CALY: variants seen among roughly 807,000 people sequenced by gnomAD.
CALY encodes the protein neuron-specific vesicular protein calcyon.
Under a neutral mutation model 20.2 loss-of-function variants are expected in CALY, and 15 were observed. The observed-to-expected ratio is 0.74, with a 90% CI of 0.50 to 1.14. The LOEUF (loss-of-function observed/expected upper bound fraction) is 1.14, where lower values mean the gene tolerates loss of function less well. CALY is among the 50% of genes most tolerant of loss of function. The probability of loss-of-function intolerance (pLI) is 0.00; values close to 1 mark genes in which losing one functional copy is unlikely to be tolerated. For synonymous variants in CALY, 129 were observed against 131.8 expected (o/e 0.98, Z 0.15); for missense variants, 270 against 304.4 (o/e 0.89, Z 0.84).
chr10:133,327,316 C>T (rs1589851548), intron 3 of CALY: 6 of 494,254 alleles, frequency 1.2e-5, no homozygotes, highest in East Asian at 6.9e-5. Flanking sequence ...GGGATGGGGC[C>T]GCAGCCTCAG....
At chr10:133,327,756 C>A (rs2133377251) in intron 3 of CALY, 149 bp downstream of exon 3, 1 of 719,728 alleles carries the variant, frequency 1.4e-6, no homozygotes, top group Non-Finnish European at 2.6e-6. Context: ...GTGGGGCCAG[C>A]TCTGGGCGGG....
At chr10:133,329,116 C>G in intron 1 of CALY, 107 bp from the exon 2 acceptor site, 1 of 956,230 alleles carries the variant, frequency 1.0e-6, no homozygotes, top group Non-Finnish European at 1.5e-6. Flanking sequence ...GCTCCTCACA[C>G]CAGAGCCAGG....
At chr10:133,331,050 A>G (rs900642130) in intron 1 of CALY, among the ~76,000 whole-genome samples, 1 of 152,242 alleles carries the variant, frequency 6.6e-6, no homozygotes. Flanking sequence ...AGAATAATGA[A>G]AAAGCGTTAT....
chr10:133,329,506 C>T (rs1451562567), intron 1 of CALY, among the ~76,000 whole-genome samples: 4 of 151,932 alleles, frequency 2.6e-5, no homozygotes, highest in Non-Finnish European at 5.9e-5. Context: ...ACCATCTCAG[C>T]CTCCCGAGTA....
intron 1 of CALY, 70 bp downstream of exon 1, chr10:133,336,764 C>T (rs1848454308): frequency 1.3e-5 from 2 of 153,234 alleles, no homozygotes; most frequent in Non-Finnish European, 1.5e-5. Context: ...CACCCGCACA[C>T]GCGCCTCGCA....
Position 133,324,198 on chromosome 10 carries a change from C to A in CALY, c.*1397G>T. 1 of 366,598 alleles carries A rather than the reference C, an allele frequency of 2.7e-6. No individual in the cohort carries two copies. Among genetic ancestry groups the A allele is most frequent in the Non-Finnish European group, 5.6e-6 (1 of 179,914 alleles). 22.7% of individuals were successfully genotyped at this position (366,598 alleles called of 1,614,324 possible). ...GCAGGCCATCAGGGCCAATTCAGTT[C>A]TGCGTGTGCTTGTTCATCTGGCCAA... On this transcript the variant is annotated 3_prime_UTR_variant, in exon 6 of 6. Transcript: ENST00000252939.
At chr10:133,330,607 G>C (rs1408508048) in intron 1 of CALY, among the ~76,000 whole-genome samples, 1 of 133,066 alleles carries the variant, frequency 7.5e-6, no homozygotes, top group Non-Finnish European at 1.6e-5. Context: ...GCAGTGAGCC[G>C]AGATCGCGCC....
chr10:133,326,877 C>A lies in CALY; in HGVS notation c.360+1G>T. 1 of 1,599,976 alleles carries A rather than the reference C, an allele frequency of 6.3e-7. No individual in the cohort carries two copies. Among genetic ancestry groups the A allele is most frequent in the Non-Finnish European group, 8.5e-7 (1 of 1,173,602 alleles). On this transcript the variant is annotated splice_donor_variant, in intron 4 of 5. Coordinates refer to ENST00000252939, the MANE Select transcript of CALY (RefSeq NM_015722.4). LOFTEE classifies it high-confidence loss of function. ...CCCCACCAGAGCCCTGGCCCCCTTACCCGCAGCAGGAAGCCGTCGGGGCAG... is the reference window on the plus strand; with the variant it reads ...CCCCACCAGAGCCCTGGCCCCCTTAACCGCAGCAGGAAGCCGTCGGGGCAG...
rs1848206962 is a variant in CALY at position 133,326,214 on chromosome 10, G to A, written c.361-94C>T. ...CGCTTCTGCGGTTGGGGACACTGCGGACAGTTTGTAATGGAGCCATGGCTT... is the reference window on the plus strand; with the variant it reads ...CGCTTCTGCGGTTGGGGACACTGCGAACAGTTTGTAATGGAGCCATGGCTT... On this transcript the variant is annotated intron_variant, in intron 4 of 5. Coordinates refer to ENST00000252939, the MANE Select transcript of CALY (RefSeq NM_015722.4). 5.8e-6 allele frequency: 9 copies of A among 1,552,864 alleles called. No homozygotes were observed. In the Admixed American group the frequency reaches 1.4e-4, roughly 24 times the overall value.
chr10:133,331,502 T>G (rs1023512369), intron 1 of CALY, among the ~76,000 whole-genome samples: 23 of 152,208 alleles, frequency 1.5e-4, no homozygotes, highest in Non-Finnish European at 1.6e-4. Flanking sequence ...AAATAATTTA[T>G]TGAAGTACTC....
intron 1 of CALY, among the ~76,000 whole-genome samples, chr10:133,332,333 C>T (rs879944175): frequency 6.6e-6 from 1 of 152,144 alleles, no homozygotes; most frequent in Non-Finnish European, 1.5e-5. Flanking sequence ...CTGATCCCTA[C>T]CTCACATTAC....
At chr10:133,335,794 C>A (rs774751898) in intron 1 of CALY, among the ~76,000 whole-genome samples, 11 of 152,222 alleles carry the variant, frequency 7.2e-5, no homozygotes, top group Non-Finnish European at 1.5e-4. Context: ...CTGCGCCCCA[C>A]CCGCCGCGCT....
At chr10:133,333,135 A>T (rs1052429837) in intron 1 of CALY, among the ~76,000 whole-genome samples, 1 of 151,786 alleles carries the variant, frequency 6.6e-6, no homozygotes, top group African/African-American at 2.4e-5. Context: ...CGGGAACAGG[A>T]GCAAGGGACC....
chr10:133,331,753 C>A (rs535968794), intron 1 of CALY, among the ~76,000 whole-genome samples: 1 of 152,172 alleles, frequency 6.6e-6, no homozygotes, highest in Non-Finnish European at 1.5e-5. Flanking sequence ...AAAATCCCAA[C>A]AGGGTTTTTA....
chr10:133,334,894 C>G (rs926609929), intron 1 of CALY, among the ~76,000 whole-genome samples: 1 of 152,104 alleles, frequency 6.6e-6, no homozygotes, highest in African/African-American at 2.4e-5. Context: ...TGGAAGAGGC[C>G]GTGCGGTGTC....
At chr10:133,332,595 A>G (rs1848327088) in intron 1 of CALY, among the ~76,000 whole-genome samples, 1 of 152,224 alleles carries the variant, frequency 6.6e-6, no homozygotes. Flanking sequence ...GTTGCAACCC[A>G]CAAATGATGA....
intron 3 of CALY, chr10:133,327,499 T>TA (rs1848233276): frequency 1.8e-6 from 1 of 567,342 alleles, no homozygotes; most frequent in African/African-American, 1.9e-5. Flanking sequence ...TGACTAAAGC[T>TA]ATCATTAGTA....
At chr10:133,326,370 C>T (rs1848210738) in intron 4 of CALY, 2 of 1,097,250 alleles carry the variant, frequency 1.8e-6, no homozygotes, top group South Asian at 1.3e-5. Flanking sequence ...CTGCCCAGCG[C>T]AGCAAGGACT....
chr10:133,333,360 G>A (rs1464177474), intron 1 of CALY, among the ~76,000 whole-genome samples: 1 of 140,306 alleles, frequency 7.1e-6, no homozygotes, highest in Non-Finnish European at 1.6e-5. Context: ...GAAGGATTGC[G>A]CGGGTGGGGG....
Sources: gnomAD v4.1 joint callset for allele counts (sites outside exome capture counted in the v4.1 genomes callset) on GRCh38, gnomAD v4.1.1 for gene constraint, MANE v1.5 for transcripts, NCBI Gene and HGNC (gene_info 2026-07-23, HGNC 2026-07-21) for gene names.